Variants in SLC7A10 observed in about 807,000 individuals in gnomAD.
The protein encoded by SLC7A10 is solute carrier family 7 member 10.
A neutral mutation model predicts 52.7 loss-of-function variants in SLC7A10; 30 were observed. The observed-to-expected ratio is 0.57, with a 90% CI of 0.43 to 0.77. SLC7A10 has a LOEUF of 0.77. Among genes scored for constraint, SLC7A10 ranks in the 30% least tolerant of loss-of-function variants. The probability of loss-of-function intolerance (pLI) is 0.00; values close to 1 mark genes in which losing one functional copy is unlikely to be tolerated. For synonymous variants in SLC7A10, 318 were observed against 314.9 expected, an observed-to-expected ratio of 1.01 and a Z score of -0.10; for missense variants, 581 against 698.5, an observed-to-expected ratio of 0.83 and a Z score of 1.90.
chr19:33,209,131 A>G (rs1339121531), intron 10 of SLC7A10, 110 bp from the exon 11 acceptor site: 11 of 1,566,224 alleles, frequency 7.0e-6, no homozygotes, highest in Non-Finnish European at 9.6e-6. Flanking sequence ...CTCCGTCGGT[A>G]CCCGTGGTTC....
intron 1 of SLC7A10, 38 bp downstream of exon 1, chr19:33,225,515 G>T (rs1487776340): frequency 6.3e-7 from 1 of 1,592,362 alleles, no homozygotes; most frequent in Non-Finnish European, 8.5e-7. Flanking sequence ...CCCTCATTCG[G>T]CCTCCGCCCG....
At chr19:33,217,036 G>GTT (rs550760579) in intron 1 of SLC7A10, among the ~76,000 whole-genome samples, 1 of 144,996 alleles carries the variant, frequency 6.9e-6, no homozygotes, top group African/African-American at 2.5e-5. Flanking sequence ...CCACACCCAG[G>GTT]TTTTTTTTTT....
At chr19:33,221,442 G>A (rs191009900) in intron 1 of SLC7A10, among the ~76,000 whole-genome samples, 10 of 152,292 alleles carry the variant, frequency 6.6e-5, no homozygotes, top group Admixed American at 2.6e-4. Flanking sequence ...ACAGGTCCCC[G>A]AAATTATAGT....
At position 33,225,801 on chromosome 19, in the gene SLC7A10, C is replaced by G. The variant is rs901032093; in HGVS notation, c.-98G>C. ...TCCGTGAGCTCACGGCCCTCGCAGCCGGGACAGCGCCCACAGGCGGGCGCA... is the reference window on the plus strand; with the variant it reads ...TCCGTGAGCTCACGGCCCTCGCAGCGGGGACAGCGCCCACAGGCGGGCGCA... On this transcript the variant is annotated 5_prime_UTR_variant, in exon 1 of 11. Coordinates refer to ENST00000253188, the MANE Select transcript of SLC7A10 (RefSeq NM_019849.3). 14 of 1,294,550 alleles carry G rather than the reference C, an allele frequency of 1.1e-5. No individual in the cohort carries two copies. The Admixed American group carries it at 4.5e-4, about 42-fold the overall frequency. The allele number at this position is 1,294,550 out of a possible 1,614,324, so 80.2% of individuals were successfully genotyped here.
rs1974507771 is a variant in SLC7A10, at chr19:33,210,028, C to T, written c.1263+439G>A. Among the ~76,000 whole-genome samples the T allele has an allele frequency of 2.0e-5, 3 of 151,590 alleles. No individual in the cohort carries two copies. Among genetic ancestry groups the T allele is most frequent in the Admixed American group, 1.3e-4 (2 of 15,210 alleles). On this transcript the variant is annotated intron_variant, in intron 9 of 10. Coordinates refer to ENST00000253188, the MANE Select transcript of SLC7A10 (RefSeq NM_019849.3). The surrounding 1 kb of genome is among the most constrained non-coding windows in gnomAD (Gnocchi z 5.6). ...CTAGCACCGCTCACTGCAGCCTCAA[C>T]CTCCCGGGCTCAAGCGATCCTCCCA...
chr19:33,209,226 T>C, intron 10 of SLC7A10, 82 bp downstream of exon 10: 1 of 1,583,918 alleles, frequency 6.3e-7, no homozygotes. Context: ...GACACCCTGC[T>C]CTGGGGTGAG....
At position 33,225,845 on chromosome 19, in the gene SLC7A10, G is replaced by A; in HGVS notation, c.-142C>T. ...GGGCGCATGCGCTGGCTCCGGGCCC[G>A]GGACTGGGGGCCCCGGGCGGCGGGG... On this transcript the variant is annotated 5_prime_UTR_variant, in exon 1 of 11. Coordinates refer to ENST00000253188, the MANE Select transcript of SLC7A10 (RefSeq NM_019849.3). 1 of 984,454 alleles carries A rather than the reference G, an allele frequency of 1.0e-6. No individual in the cohort carries two copies. The highest frequency in any genetic ancestry group is 4.6e-5 in the Admixed American group (1 of 21,596). 61.0% of individuals were successfully genotyped at this position (984,454 alleles called of 1,614,324 possible). A position where few individuals can be genotyped will look rare whatever the true frequency, so the allele number is the denominator to read the frequency against.
chr19:33,218,234 C>T (rs1335175863), intron 1 of SLC7A10, among the ~76,000 whole-genome samples: 1 of 152,128 alleles, frequency 6.6e-6, no homozygotes, highest in Non-Finnish European at 1.5e-5. Flanking sequence ...CATCTGGCAC[C>T]CTATCTTCCA....
intron 7 of SLC7A10, 92 bp downstream of exon 7, chr19:33,211,133 C>T: frequency 8.0e-7 from 1 of 1,246,740 alleles, no homozygotes; most frequent in South Asian, 1.2e-5. Flanking sequence ...CCTCCCCCGG[C>T]AGGTGTCCCT....
intron 1 of SLC7A10, among the ~76,000 whole-genome samples, chr19:33,221,647 C>A (rs1359698153): frequency 6.6e-6 from 1 of 152,166 alleles, no homozygotes; most frequent in Non-Finnish European, 1.5e-5. Context: ...GCCCAGCCAC[C>A]TGCAGCCCTG....
At chr19:33,209,860 T>C (rs115784852) in intron 9 of SLC7A10, among the ~76,000 whole-genome samples, 596 of 152,322 alleles carry the variant, frequency 3.9e-3, no homozygotes, top group African/African-American at 0.014. Flanking sequence ...TAGCTCAGGC[T>C]ATGGTCTTCT....
At chr19:33,214,848 G>C (rs961901549) in intron 2 of SLC7A10, among the ~76,000 whole-genome samples, 28 of 152,330 alleles carry the variant, frequency 1.8e-4, no homozygotes, top group South Asian at 2.1e-4. Context: ...CTTCCTCTCT[G>C]TTCTGTGAGC....
chr19:33,213,301 T>C lies in SLC7A10; in HGVS notation c.357-299A>G, dbSNP rs900327121. Among the ~76,000 whole-genome samples the C allele has an allele frequency of 8.6e-3, 1,312 of 151,976 alleles. 18 individuals are homozygous for C. The highest frequency in any genetic ancestry group is 0.03 in the African/African-American group (1,254 of 41,496). On this transcript the variant is annotated intron_variant, in intron 2 of 10. Coordinates refer to ENST00000253188, the MANE Select transcript of SLC7A10 (RefSeq NM_019849.3). ...CTTTTCTTTTCTTTTTTCTTTTTTT[T>C]TTTTTGAGACGGAGTCTTGCTCTGT...
intron 1 of SLC7A10, among the ~76,000 whole-genome samples, chr19:33,224,331 C>CA (rs1191248769): frequency 6.6e-6 from 1 of 152,090 alleles, no homozygotes; most frequent in African/African-American, 2.4e-5. Flanking sequence ...CATCCTAGGC[C>CA]AAGAAGCTCC....
At position 33,212,437 on chromosome 19, in the gene SLC7A10, C is replaced by T. The variant is rs368580545; in HGVS notation, c.643G>A (p.Glu215Lys). The change falls in exon 5 of 11, where the codon GAG (glutamate) becomes AAG (lysine). Residue 215 changes from glutamate to lysine, a missense_variant. Physicochemically the swap from Glu to Lys is moderately conservative, Grantham distance 56 (BLOSUM62 1). Transcript: ENST00000253188. ...GLLQIFQGHF[E>K]ELRPSNAFAF... is the part of the protein sequence containing the mutation. ...AAGGCATTGCTGGGCCTCAGCTCCT[C>T]GAAGTGTCCTGGAGGCCCAGAAGTC... The T allele has an allele frequency of 5.6e-5, 90 of 1,613,810 alleles. No homozygotes were observed. The highest frequency in any genetic ancestry group is 6.4e-5 in the Non-Finnish European group (75 of 1,180,044).
chr19:33,217,466 C>T (rs1433191064), intron 1 of SLC7A10, among the ~76,000 whole-genome samples: 7 of 151,034 alleles, frequency 4.6e-5, no homozygotes, highest in Admixed American at 3.3e-4. Flanking sequence ...ACCATCTGTG[C>T]ACATGAATCC....
At chr19:33,217,567 C>T (rs1001932081) in intron 1 of SLC7A10, among the ~76,000 whole-genome samples, 1 of 130,726 alleles carries the variant, frequency 7.6e-6, no homozygotes, top group Non-Finnish European at 1.5e-5. Context: ...CCTGGTAGAA[C>T]CTGTAGGTCC....
intron 1 of SLC7A10, among the ~76,000 whole-genome samples, chr19:33,224,765 G>A (rs1024623142): frequency 7.9e-5 from 12 of 152,196 alleles, no homozygotes; most frequent in African/African-American, 2.7e-4. Context: ...CCATTCCCAT[G>A]ACCTCTGAGC....
intron 1 of SLC7A10, among the ~76,000 whole-genome samples, chr19:33,216,398 T>A (rs1974685192): frequency 6.6e-6 from 1 of 152,236 alleles, no homozygotes; most frequent in Middle Eastern, 3.4e-3. Flanking sequence ...CCCAGGCATA[T>A]CAGCATGCAG....
Sources: allele counts gnomAD v4.1 joint callset (sites outside exome capture counted in the v4.1 genomes callset), GRCh38; gene constraint gnomAD v4.1.1; non-coding constraint Gnocchi (gnomAD v3.1); transcripts MANE v1.5; gene names NCBI Gene and HGNC (gene_info 2026-07-23, HGNC 2026-07-21).